The following PHF2 variants were observed in gnomAD, a reference collection of about 807,000 sequenced individuals.
The protein encoded by PHF2 is PHD finger protein 2.
In PHF2, 27 loss-of-function variants were observed where a neutral mutation model predicts 120.5. That is an observed-to-expected ratio of 0.22 (90% CI 0.17 to 0.31). The LOEUF (loss-of-function observed/expected upper bound fraction) is 0.31. Ranked by LOEUF, PHF2 falls within the 10% of genes least tolerant of loss-of-function variation. PHF2 has a pLI of 1.00. For synonymous variants in PHF2, 568 were observed against 592.5 expected (o/e 0.96, Z 0.60); for missense variants, 1,024 against 1,434.8 (o/e 0.71, Z 4.63).
intron 5 of PHF2, among the ~76,000 whole-genome samples, chr9:93,650,345 CTG>C (rs879555819): frequency 2.0e-5 from 3 of 152,322 alleles, no homozygotes; most frequent in Middle Eastern, 3.4e-3. Context: ...CCCTGACACA[CTG>C]AGATACTAAC....
At position 93,592,273 on chromosome 9, in the gene PHF2, G is replaced by T. The variant is rs1168487289; in HGVS notation, c.98+15402G>T. The stretch of plus-strand genomic sequence containing the variant: ...TGGGAAGATAGTTGCCTCTGCAGGG[G>T]CTGCTGGTCCCCACTGTGGGAGCAG... On this transcript the variant is annotated intron_variant, in intron 1 of 21. Coordinates refer to ENST00000359246, the MANE Select transcript of PHF2 (RefSeq NM_005392.4). Among the ~76,000 whole-genome samples the T allele has an allele frequency of 2.0e-5, 3 of 152,262 alleles. No individual in the cohort carries two copies. In the South Asian group the frequency reaches 6.2e-4, roughly 32 times the overall value.
At chr9:93,608,120 C>G (rs1825575092) in intron 1 of PHF2, among the ~76,000 whole-genome samples, 1 of 152,038 alleles carries the variant, frequency 6.6e-6, no homozygotes, top group African/African-American at 2.4e-5. Flanking sequence ...GCTAGAACTT[C>G]CAGGACAGTG....
chr9:93,616,350 T>C (rs1825729097), intron 1 of PHF2, among the ~76,000 whole-genome samples: 1 of 152,216 alleles, frequency 6.6e-6, no homozygotes, highest in African/African-American at 2.4e-5. Context: ...AAGCTTTTGA[T>C]ACATACAGCT....
intron 1 of PHF2, among the ~76,000 whole-genome samples, chr9:93,626,599 G>A (rs1587690872): frequency 6.6e-6 from 1 of 152,256 alleles, no homozygotes; most frequent in Non-Finnish European, 1.5e-5. Flanking sequence ...ATCCAAATTA[G>A]CAATTTTTTC....
chr9:93,596,242 G>A (rs756275396), intron 1 of PHF2, among the ~76,000 whole-genome samples: 12 of 152,162 alleles, frequency 7.9e-5, no homozygotes, highest in Non-Finnish European at 1.3e-4. Flanking sequence ...CTGTGCCCAC[G>A]AGTGGAGGGC....
chr9:93,675,050 C>T, intron 19 of PHF2, 28 bp downstream of exon 19: 1 of 1,538,004 alleles, frequency 6.5e-7, no homozygotes, highest in Non-Finnish European at 9.0e-7. Context: ...GTAGGGGGTC[C>T]ACCTGACACC....
At chr9:93,648,994 C>T in intron 4 of PHF2, 77 bp from the exon 5 acceptor site, 10 of 1,484,814 alleles carry the variant, frequency 6.7e-6, no homozygotes, top group Non-Finnish European at 9.2e-6. Flanking sequence ...GAGTGTGTGT[C>T]CACTCCACAC....
chr9:93,593,698 T>A (rs7857165), intron 1 of PHF2, among the ~76,000 whole-genome samples: 21,674 of 152,270 alleles, frequency 0.14, 3,407 homozygotes, highest in African/African-American at 0.38. Context: ...CAGTGTCCTC[T>A]TGTAAATCGG....
Position 93,599,255 on chromosome 9 carries a change from GTCTTCA to G in PHF2, c.98+22391_98+22396del, listed in dbSNP as rs562899427. On this transcript the variant is annotated intron_variant, in intron 1 of 21. Transcript: ENST00000359246. ...TGCTGTGTTTATTTTTACCGTCATC[GTCTTCA>G]TCTTCAAGGAGCAATGATAGGCAGG... Among the ~76,000 whole-genome samples, 142 of 152,308 alleles carry G rather than the reference GTCTTCA, an allele frequency of 9.3e-4. 1 individual carries two copies. Among genetic ancestry groups the G allele is most frequent in the African/African-American group, 3.0e-3 (125 of 41,572 alleles).
chr9:93,610,090 C>T (rs1178977727), intron 1 of PHF2, among the ~76,000 whole-genome samples: 1 of 150,964 alleles, frequency 6.6e-6, no homozygotes, highest in African/African-American at 2.4e-5. Context: ...TGCGGGGAGG[C>T]TTATATCCTG....
At chr9:93,602,995 C>A (rs1048620641) in intron 1 of PHF2, among the ~76,000 whole-genome samples, 1 of 151,880 alleles carries the variant, frequency 6.6e-6, no homozygotes, top group African/African-American at 2.4e-5. Flanking sequence ...GCAAGGGAAC[C>A]GCTGAGTTGC....
Position 93,645,638 on chromosome 9 carries a change from C to T in PHF2, c.309C>T (p.Asp103=), listed in dbSNP as rs7038310. The T allele has an allele frequency of 0.082, 130,718 of 1,597,282 alleles. 5,790 individuals carry two copies. The highest frequency in any genetic ancestry group is 0.092 in the Non-Finnish European group (107,081 of 1,170,118). ...CTGTGCTTCCCTGCAGTGCTGAAGA[C>T]GTGGTGGCCCGTGTGCCAGGAAGTC... ...LRSRTFPSAE[D]VVARVPGSQL... The change falls in exon 4 of 22, where the codon GAC becomes GAT. Residue 103 remains aspartate (D), a synonymous_variant. Transcript: ENST00000359246.
Position 93,678,882 on chromosome 9 carries a change from T to A in PHF2, c.*1206T>A, listed in dbSNP as rs1454477830. The A allele has an allele frequency of 6.3e-6, 1 of 158,770 alleles. No individual in the cohort carries two copies. The highest frequency in any genetic ancestry group is 1.4e-5 in the Non-Finnish European group (1 of 72,116). The allele number at this position is 158,770 out of a possible 1,614,324, so 9.8% of individuals were successfully genotyped here. A position where few individuals can be genotyped will look rare whatever the true frequency, so the allele number is the denominator to read the frequency against. Reference sequence around the variant, plus strand: ...CTCCTTTCCTTTTATTATTATTATTTTTTTCTTTTAAGAACTAAGGTATTG... The same window carrying A: ...CTCCTTTCCTTTTATTATTATTATTATTTTCTTTTAAGAACTAAGGTATTG... On this transcript the variant is annotated 3_prime_UTR_variant, in exon 22 of 22. Transcript: ENST00000359246.
chr9:93,639,708 A>T (rs1826146340), intron 3 of PHF2, among the ~76,000 whole-genome samples: 1 of 152,188 alleles, frequency 6.6e-6, no homozygotes, highest in Non-Finnish European at 1.5e-5. Context: ...TCAGAGCTGG[A>T]TGCAAGAAGG....
At chr9:93,608,004 AGAGAGAAGGAAAGGAG>A (rs1825572420) in intron 1 of PHF2, among the ~76,000 whole-genome samples, 1 of 112,730 alleles carries the variant, frequency 8.9e-6, no homozygotes, top group Non-Finnish European at 2.0e-5. Flanking sequence ...TGAGAGAGAG[AGAGAGAAGGAAAGGAG>A]GAAGGAAAGA....
intron 7 of PHF2, 34 bp from the exon 8 acceptor site, chr9:93,655,900 G>T: frequency 6.5e-7 from 1 of 1,534,418 alleles, no homozygotes; most frequent in Non-Finnish European, 9.0e-7. Flanking sequence ...ATGGGAGCAA[G>T]GTGGGGCACC....
chr9:93,649,811 C>A (rs1218730335), intron 5 of PHF2, among the ~76,000 whole-genome samples: 2 of 152,174 alleles, frequency 1.3e-5, no homozygotes, highest in Admixed American at 6.5e-5. Context: ...CACCTGCAGT[C>A]ATGACACACT....
rs149984408 is a variant in PHF2 at position 93,667,134 on chromosome 9, G to A, written c.2242G>A (p.Gly748Ser). ...GCACATCGACACAGACACCAAGCCC[G>A]GCCGCAATGCCAGAGTCAAGAAGGA... Reference protein sequence around the residue: ...SLHIDTDTKPGRNARVKKESG... With the variant: ...SLHIDTDTKPSRNARVKKESG... The change falls in exon 17 of 22, where the codon GGC becomes AGC. Residue 748 changes from glycine to serine, a missense_variant. Coordinates refer to ENST00000359246, the MANE Select transcript of PHF2 (RefSeq NM_005392.4). The A allele has an allele frequency of 1.9e-4, 304 of 1,613,288 alleles. 3 individuals carry two copies. The highest frequency in any genetic ancestry group is 1.1e-3 in the South Asian group (101 of 91,084).
At chr9:93,615,354 ATGG>A (rs1825714238) in intron 1 of PHF2, among the ~76,000 whole-genome samples, 2 of 151,958 alleles carry the variant, frequency 1.3e-5, no homozygotes, top group South Asian at 4.2e-4. Context: ...AATGATGGTG[ATGG>A]TGATGATGGT....
Sources: allele counts gnomAD v4.1 joint callset (sites outside exome capture counted in the v4.1 genomes callset), GRCh38; gene constraint gnomAD v4.1.1; transcripts MANE v1.5; gene names NCBI Gene and HGNC (gene_info 2026-07-23, HGNC 2026-07-21).